Variants in DGKG observed in about 807,000 individuals in gnomAD.
DGKG encodes the protein DAG kinase gamma.
In DGKG, 78 loss-of-function variants were observed where a neutral mutation model predicts 105.3. The ratio of observed to expected loss-of-function variants is 0.74; its 90% CI spans 0.62 to 0.89. The LOEUF (loss-of-function observed/expected upper bound fraction) is 0.89. Ranked by LOEUF, DGKG falls within the 40% of genes least tolerant of loss-of-function variation. The probability of loss-of-function intolerance (pLI) is 0.00; values close to 1 mark genes in which losing one functional copy is unlikely to be tolerated. For synonymous variants in DGKG, 346 were observed against 367.1 expected, an observed-to-expected ratio of 0.94 and a Z score of 0.66; for missense variants, 958 against 1,020.1, an observed-to-expected ratio of 0.94 and a Z score of 0.83.
intron 1 of DGKG, among the ~76,000 whole-genome samples, chr3:186,348,983 T>A (rs75561949): frequency 2.0e-5 from 3 of 152,108 alleles, no homozygotes; most frequent in Admixed American, 1.3e-4. Flanking sequence ...AATTTTTTTT[T>A]ATTTAAAAAT....
At chr3:186,348,790 T>C (rs2108669764) in intron 1 of DGKG, among the ~76,000 whole-genome samples, 1 of 152,234 alleles carries the variant, frequency 6.6e-6, no homozygotes, top group Admixed American at 6.5e-5. Context: ...CAGTCATACC[T>C]CAACTTATTT....
chr3:186,187,449 G>C (rs533772587), intron 22 of DGKG, among the ~76,000 whole-genome samples: 1 of 152,316 alleles, frequency 6.6e-6, no homozygotes, highest in South Asian at 2.1e-4. Flanking sequence ...GTTACCAATG[G>C]AGAGAAATAA....
intron 20 of DGKG, among the ~76,000 whole-genome samples, chr3:186,216,944 A>C (rs945865160): frequency 2.6e-5 from 4 of 152,130 alleles, no homozygotes; most frequent in Non-Finnish European, 5.9e-5. Context: ...AAGTTATTTA[A>C]ATTATTTGAA....
intron 17 of DGKG, among the ~76,000 whole-genome samples, chr3:186,255,662 C>T (rs1721431166): frequency 6.6e-6 from 1 of 152,190 alleles, no homozygotes; most frequent in South Asian, 2.1e-4. Context: ...AGCTGGACCA[C>T]CCAGGGCCCT....
At chr3:186,240,216 G>T (rs1174160047) in intron 20 of DGKG, among the ~76,000 whole-genome samples, 2 of 152,030 alleles carry the variant, frequency 1.3e-5, no homozygotes, top group Non-Finnish European at 2.9e-5. Flanking sequence ...TCCGTGTCTT[G>T]GTTCAGGCGT....
chr3:186,308,965 C>A (rs556119324), intron 2 of DGKG, among the ~76,000 whole-genome samples: 1 of 152,170 alleles, frequency 6.6e-6, no homozygotes. Flanking sequence ...AAAATTAATT[C>A]GACTTGCTCA....
intron 7 of DGKG, among the ~76,000 whole-genome samples, chr3:186,282,573 C>T (rs1189085954): frequency 2.0e-5 from 3 of 151,876 alleles, no homozygotes; most frequent in South Asian, 2.1e-4. Flanking sequence ...AGTGCAGTGG[C>T]GCCATCTCGG....
At chr3:186,255,171 G>A (rs779413469) in intron 17 of DGKG, among the ~76,000 whole-genome samples, 1 of 152,168 alleles carries the variant, frequency 6.6e-6, no homozygotes, top group Non-Finnish European at 1.5e-5. Context: ...CTCCCCGAGG[G>A]GGACTGGGTC....
Position 186,267,195 on chromosome 3 carries a change from G to A in DGKG, c.1209+490C>T, listed in dbSNP as rs191949514. Among the ~76,000 whole-genome samples, 5 of 152,312 alleles carry A rather than the reference G, an allele frequency of 3.3e-5. No individual in the cohort carries two copies. The East Asian group carries it at 9.6e-4, about 29-fold the overall frequency. On this transcript the variant is annotated intron_variant, in intron 13 of 24. Coordinates refer to ENST00000265022, the MANE Select transcript of DGKG (RefSeq NM_001346.3). ...TTGACAGAGATGAGGGAGGTTGGGA[G>A]CCTGGCCATGCATAGGTGGTGACTG...
intron 2 of DGKG, among the ~76,000 whole-genome samples, chr3:186,308,114 T>A (rs530401552): frequency 1.3e-5 from 2 of 152,270 alleles, no homozygotes; most frequent in South Asian, 4.2e-4. Context: ...TTGCATTTAC[T>A]TTGGAAGGGG....
intron 23 of DGKG, among the ~76,000 whole-genome samples, chr3:186,162,706 A>ATT (rs34164960): frequency 3.3e-5 from 5 of 151,508 alleles, no homozygotes; most frequent in South Asian, 2.1e-4. Flanking sequence ...TGTCCAGCTA[A>ATT]TTTTTTTTTG....
intron 21 of DGKG, among the ~76,000 whole-genome samples, chr3:186,193,430 C>T (rs1214177291): frequency 6.6e-6 from 1 of 152,248 alleles, no homozygotes; most frequent in Non-Finnish European, 1.5e-5. Flanking sequence ...GTTATCATCA[C>T]AGGTTCCCCA....
Position 186,253,186 on chromosome 3 carries a change from C to A in DGKG, c.1511-4G>T. The A allele has an allele frequency of 1.2e-6, 2 of 1,612,396 alleles. No individual in the cohort carries two copies. Among genetic ancestry groups the A allele is most frequent in the Non-Finnish European group, 8.5e-7 (1 of 1,178,424 alleles). On this transcript the variant is annotated splice_polypyrimidine_tract_variant and splice_region_variant and intron_variant, in intron 17 of 24. Coordinates refer to ENST00000265022, the MANE Select transcript of DGKG (RefSeq NM_001346.3). ...TGCTTTGCAAAGTTGGCCTTATCTG[C>A]AAGACACACAGAGGAACAGAGAACC... is the stretch of plus-strand genomic sequence containing the variant.
At chr3:186,219,697 G>T (rs962306098) in intron 20 of DGKG, among the ~76,000 whole-genome samples, 4 of 152,088 alleles carry the variant, frequency 2.6e-5, no homozygotes, top group African/African-American at 9.7e-5. Flanking sequence ...GGAAGAGTGG[G>T]CAGAAAGATG....
rs151249976 is a variant in DGKG, at chr3:186,195,982, T to C, written c.1918-7603A>G. ...TGTTATCAGCCTATACCTTCTATTATACAGTTCTTGTCTTGACCCATTAAT... is the reference window on the plus strand; with the variant it reads ...TGTTATCAGCCTATACCTTCTATTACACAGTTCTTGTCTTGACCCATTAAT... On this transcript the variant is annotated intron_variant, in intron 21 of 24. Transcript: ENST00000265022. 4.9e-4 allele frequency among the ~76,000 whole-genome samples: 74 copies of C among 152,282 alleles called. No homozygotes were observed. In the East Asian group the frequency reaches 0.013, roughly 27 times the overall value.
intron 21 of DGKG, among the ~76,000 whole-genome samples, chr3:186,202,745 C>G (rs1386539919): frequency 6.6e-6 from 1 of 152,190 alleles, no homozygotes; most frequent in East Asian, 1.9e-4. Context: ...GGAGAGCATT[C>G]TGACCCAACA....
intron 20 of DGKG, among the ~76,000 whole-genome samples, chr3:186,240,796 C>T (rs1303602679): frequency 1.7e-5 from 2 of 115,412 alleles, no homozygotes; most frequent in Non-Finnish European, 3.6e-5. Context: ...AGCAACAGAG[C>T]GAAACTCCAT....
At chr3:186,184,298 C>T (rs59566555) in intron 22 of DGKG, among the ~76,000 whole-genome samples, 2,208 of 152,218 alleles carry the variant, frequency 0.015, 59 homozygotes, top group African/African-American at 0.051. Flanking sequence ...AAATTTAAAC[C>T]CAGATTATCT....
intron 20 of DGKG, among the ~76,000 whole-genome samples, chr3:186,215,990 C>T (rs969430465): frequency 6.6e-6 from 1 of 151,150 alleles, no homozygotes; most frequent in Non-Finnish European, 1.5e-5. Context: ...CCTGCCCCAC[C>T]CCCCAAACCC....
Sources: gnomAD v4.1 joint callset for allele counts (sites outside exome capture counted in the v4.1 genomes callset) on GRCh38, gnomAD v4.1.1 for gene constraint, MANE v1.5 for transcripts, NCBI Gene and HGNC (gene_info 2026-07-23, HGNC 2026-07-21) for gene names.